The following NCKAP1 variants were observed in gnomAD, a reference collection of about 807,000 sequenced individuals.
NCKAP1 encodes the protein NCK associated protein 1, also known as nck-associated protein 1.
A neutral mutation model predicts 151.2 loss-of-function variants in NCKAP1; 21 were observed. That is an observed-to-expected ratio of 0.14 (90% confidence interval 0.10 to 0.20). The LOEUF is 0.20. Ranked by LOEUF, NCKAP1 falls within the 10% of genes least tolerant of loss-of-function variation. The pLI, the probability that NCKAP1 is intolerant of heterozygous loss-of-function variation, is 1.00. For synonymous variants in NCKAP1, 484 were observed against 451.8 expected (o/e 1.07, Z -0.90); for missense variants, 933 against 1,352.1 (o/e 0.69, Z 4.86).
At chr2:182,941,675 T>C (rs917189570) in intron 24 of NCKAP1, among the ~76,000 whole-genome samples, 16 of 152,288 alleles carry the variant, frequency 1.1e-4, no homozygotes, top group Admixed American at 9.8e-4. Context: ...AAAATACCGT[T>C]TGCTTAAATG....
At chr2:183,023,112 G>A (rs996624120) in intron 2 of NCKAP1, 2 of 152,028 alleles carry the variant, frequency 1.3e-5, no homozygotes, top group Non-Finnish European at 2.9e-5. Flanking sequence ...AATAAAAAGA[G>A]AAGACAGGCA....
intron 15 of NCKAP1, among the ~76,000 whole-genome samples, chr2:182,971,392 T>C (rs1314454013): frequency 3.1e-5 from 2 of 63,584 alleles, no homozygotes; most frequent in Non-Finnish European, 6.0e-5. Flanking sequence ...AGACTCCGTC[T>C]CAAAAAAAAA....
intron 10 of NCKAP1, 43 bp from the exon 11 acceptor site, chr2:182,983,425 A>C (rs1559093015): frequency 1.4e-6 from 2 of 1,409,702 alleles, no homozygotes; most frequent in South Asian, 2.4e-5. Flanking sequence ...CTTCTACTAA[A>C]ATTATTATTG....
At chr2:182,947,299 C>G (rs1299420014) in intron 23 of NCKAP1, 1 of 152,080 alleles carries the variant, frequency 6.6e-6, no homozygotes, top group African/African-American at 2.4e-5. Context: ...TCACCCCTAC[C>G]CCGAAGTTAG....
At chr2:182,972,507 T>C (rs891956806) in intron 15 of NCKAP1, among the ~76,000 whole-genome samples, 1 of 152,190 alleles carries the variant, frequency 6.6e-6, no homozygotes, top group East Asian at 1.9e-4. Flanking sequence ...TTGAAAACAG[T>C]AGTGTCTGAG....
In NCKAP1 at chr2:182,910,950, T is replaced by TCCCCCCCCCCC. The variant is rs1553507018; in HGVS notation, c.*14751_*14752insGGGGGGGGGGG. ...TGGAAATAAAAATAAAATCCTAAGC[T>TCCCCCCCCCCC]CCCCCCCCACATTTGACTAAACAGA... On this transcript the variant is annotated 3_prime_UTR_variant, in exon 31 of 31. Coordinates refer to ENST00000361354, the MANE Select transcript of NCKAP1 (RefSeq NM_013436.5). 7.7e-6 allele frequency: 1 copy of TCCCCCCCCCCC among 130,498 alleles called. No individual in the cohort carries two copies. Among genetic ancestry groups the TCCCCCCCCCCC allele is most frequent in the Non-Finnish European group, 1.6e-5 (1 of 62,740 alleles). 8.1% of individuals were successfully genotyped at this position (130,498 alleles called of 1,614,324 possible).
At position 182,995,740 on chromosome 2, in the gene NCKAP1, A is replaced by G. The variant is rs1006230987; in HGVS notation, c.702T>C (p.Ser234=). 6.2e-7 allele frequency: 1 copy of G among 1,614,048 alleles called. No homozygotes were observed. Among genetic ancestry groups the G allele is most frequent in the Admixed American group, 1.7e-5 (1 of 60,028 alleles). The change falls in exon 7 of 31, where the codon AGT becomes AGC. Residue 234 remains serine, a synonymous_variant. Transcript: ENST00000361354. ...CTGGATTAAGCATTGTACTAGGTGC[A>G]CTGATGAGGCTCAATAACTGGGCAT... ...WRNAQLLSLI[S]APSTMLNPAQ...
At chr2:183,003,151 C>T in intron 3 of NCKAP1, 82 bp downstream of exon 3, 4 of 1,237,462 alleles carry the variant, frequency 3.2e-6, no homozygotes, top group South Asian at 1.5e-5. Context: ...TTATTATTTA[C>T]AACTGACACA....
intron 6 of NCKAP1, among the ~76,000 whole-genome samples, chr2:183,001,642 G>T (rs531904261): frequency 1.4e-4 from 21 of 152,206 alleles, no homozygotes; most frequent in Non-Finnish European, 2.6e-4. Context: ...ATAATTTGCA[G>T]AATTGCTATT....
intron 8 of NCKAP1, among the ~76,000 whole-genome samples, chr2:182,994,507 C>T (rs1233642984): frequency 2.6e-5 from 4 of 151,920 alleles, no homozygotes; most frequent in African/African-American, 9.7e-5. Flanking sequence ...GGCATGGTAG[C>T]GTGTGCCTGT....
chr2:183,027,751 C>T (rs867023393), intron 1 of NCKAP1, among the ~76,000 whole-genome samples: 1 of 152,036 alleles, frequency 6.6e-6, no homozygotes, highest in Admixed American at 6.6e-5. Context: ...ATAGAAAATT[C>T]CAAATAACCA....
intron 12 of NCKAP1, 126 bp from the exon 13 acceptor site, chr2:182,981,502 G>A (rs983563528): frequency 3.5e-6 from 2 of 566,480 alleles, no homozygotes; most frequent in African/African-American, 3.8e-5. Context: ...AATACTTAAT[G>A]TCAATTACTT....
chr2:183,025,657 C>A (rs1034694358), intron 1 of NCKAP1, among the ~76,000 whole-genome samples: 1 of 152,096 alleles, frequency 6.6e-6, no homozygotes, highest in Non-Finnish European at 1.5e-5. Context: ...ATCCAACTTT[C>A]TTTGAGTAGA....
chr2:182,937,104 G>T (rs1575016622), intron 24 of NCKAP1, among the ~76,000 whole-genome samples: 1 of 90,804 alleles, frequency 1.1e-5, no homozygotes. Flanking sequence ...AACAGAGCAA[G>T]ACTGTCTCAC....
At chr2:182,981,646 C>T (rs1259589553) in intron 12 of NCKAP1, among the ~76,000 whole-genome samples, 5 of 152,072 alleles carry the variant, frequency 3.3e-5, no homozygotes, top group East Asian at 1.9e-4. Context: ...CAGTGGCTCA[C>T]GACTGTAATT....
chr2:182,999,006 A>ACGGTGCTGAAAGAAAT (rs1698328222), intron 6 of NCKAP1, among the ~76,000 whole-genome samples: 1 of 152,188 alleles, frequency 6.6e-6, no homozygotes, highest in African/African-American at 2.4e-5. Flanking sequence ...ATCACAGATA[A>ACGGTGCTGAAAGAAAT]CACAAATAAA....
chr2:182,962,136 G>A (rs1243082627), intron 18 of NCKAP1, 23 bp downstream of exon 18: 9 of 1,564,632 alleles, frequency 5.8e-6, no homozygotes, highest in Non-Finnish European at 7.8e-6. Context: ...TTTCCTATCT[G>A]TTGGAAACAC....
intron 1 of NCKAP1, among the ~76,000 whole-genome samples, chr2:183,028,582 G>C (rs1698943115): frequency 6.6e-6 from 1 of 152,100 alleles, no homozygotes; most frequent in Non-Finnish European, 1.5e-5. Context: ...CCTTAGGCAA[G>C]TTGCCTAACC....
Position 182,925,404 on chromosome 2 carries a change from C to T in NCKAP1, c.*298G>A, listed in dbSNP as rs1008270993. The T allele has an allele frequency of 6.0e-6, 1 of 168,000 alleles. No homozygotes were observed. The highest frequency in any genetic ancestry group is 1.6e-4 in the East Asian group (1 of 6,322). 10.4% of individuals were successfully genotyped at this position (168,000 alleles called of 1,614,324 possible). A position where few individuals can be genotyped will look rare whatever the true frequency, so the allele number is the denominator to read the frequency against. Reference sequence around the variant, plus strand: ...CAGTTCTTTTTCAGAAATAAACAAGCAAAGATTTTTTTCATTATCAAATAT... The same window carrying T: ...CAGTTCTTTTTCAGAAATAAACAAGTAAAGATTTTTTTCATTATCAAATAT... On this transcript the variant is annotated 3_prime_UTR_variant, in exon 31 of 31. Coordinates refer to ENST00000361354, the MANE Select transcript of NCKAP1 (RefSeq NM_013436.5).
Sources: gnomAD v4.1 joint callset for allele counts (sites outside exome capture counted in the v4.1 genomes callset) on GRCh38, gnomAD v4.1.1 for gene constraint, MANE v1.5 for transcripts, NCBI Gene and HGNC (gene_info 2026-07-23, HGNC 2026-07-21) for gene names.